Variants in PCDHA8 observed in about 807,000 individuals in gnomAD.
PCDHA8 encodes the protein protocadherin alpha-8.
Under a neutral mutation model 61.8 loss-of-function variants are expected in PCDHA8, and 53 were observed. That is an observed-to-expected ratio of 0.86 (90% CI 0.69 to 1.08). PCDHA8 has a LOEUF of 1.08. PCDHA8 is among the 50% of genes least tolerant of loss of function. PCDHA8 has a pLI of 0.00. For missense variants in PCDHA8, 1,293 were observed against 1,245.0 expected, an observed-to-expected ratio of 1.04 and a Z score of -0.58; for synonymous variants, 618 against 556.6, an observed-to-expected ratio of 1.11 and a Z score of -1.55.
At chr5:140,999,345 C>A (rs2097854633) in intron 3 of PCDHA8, among the ~76,000 whole-genome samples, 1 of 152,178 alleles carries the variant, frequency 6.6e-6, no homozygotes, top group Non-Finnish European at 1.5e-5. Flanking sequence ...TAAGCCTTGT[C>A]TCTTTTTAAT....
At chr5:140,860,253 G>C (rs1278193259) in intron 1 of PCDHA8, 1 of 151,492 alleles carries the variant, frequency 6.6e-6, no homozygotes, top group Non-Finnish European at 1.5e-5. Flanking sequence ...CATGCCTTTA[G>C]TCCCTACTGT....
At chr5:140,869,590 G>GAAGA in intron 1 of PCDHA8, 3 of 1,614,102 alleles carry the variant, frequency 1.9e-6, no homozygotes, top group Non-Finnish European at 2.5e-6. Context: ...TGCTGACATT[G>GAAGA]AAGAGAATGC....
At position 140,857,632 on chromosome 5, in the gene PCDHA8, G is replaced by C; in HGVS notation, c.2394+13917G>C. On this transcript the variant is annotated intron_variant, in intron 1 of 3. Transcript: ENST00000531613. ...AGCCGCTGGACCACGAGGAGCTGGA[G>C]CTGCTACAGTTCCAGGTGAGCGCGC... 1.9e-6 allele frequency: 3 copies of C among 1,596,770 alleles called. 1 individual carries two copies. Among genetic ancestry groups the C allele is most frequent in the Non-Finnish European group, 2.6e-6 (3 of 1,167,764 alleles).
intron 1 of PCDHA8, among the ~76,000 whole-genome samples, chr5:140,902,711 C>T (rs2153477998): frequency 6.6e-6 from 1 of 151,990 alleles, no homozygotes; most frequent in Middle Eastern, 3.4e-3. Context: ...TCTTTCACTC[C>T]CCTCCCACCC....
rs782420685 is a variant in PCDHA8, at chr5:140,978,941, T to G, written c.2395-8T>G. 1 of 1,614,158 alleles carries G rather than the reference T, an allele frequency of 6.2e-7. No homozygotes were observed. The highest frequency in any genetic ancestry group is 2.2e-5 in the East Asian group (1 of 44,880). On this transcript the variant is annotated splice_region_variant and splice_polypyrimidine_tract_variant and intron_variant, in intron 1 of 3. Transcript: ENST00000531613. ...TTTTAACAGAAAACTCTCTTTGTGA[T>G]TTTGCAGCCACGACAGCCCAACCCT...
intron 1 of PCDHA8, among the ~76,000 whole-genome samples, chr5:140,923,613 G>GT (rs2081443569): frequency 6.6e-6 from 1 of 152,146 alleles, no homozygotes; most frequent in South Asian, 2.1e-4. Context: ...TGTTTATCTG[G>GT]TCATCTTATC....
chr5:140,946,611 A>AATATATATATATATATATATATAT (rs1554217734), intron 1 of PCDHA8, among the ~76,000 whole-genome samples: 1,222 of 86,096 alleles, frequency 0.014, 42 homozygotes, highest in African/African-American at 0.029. Context: ...GAAAATGTGA[A>AATATATATATATATATATATATAT]ATATATATAT....
intron 1 of PCDHA8, chr5:140,869,260 G>A (rs976245495): frequency 6.2e-7 from 1 of 1,613,638 alleles, no homozygotes; most frequent in Non-Finnish European, 8.5e-7. Context: ...GCAGGACCTG[G>A]GGCTGGAGCT....
At chr5:140,857,683 C>T (rs1554150520) in intron 1 of PCDHA8, 1 of 1,597,084 alleles carries the variant, frequency 6.3e-7, no homozygotes, top group Middle Eastern at 1.8e-4. Context: ...CGCCTCTGGG[C>T]AGCAACTTGA....
At chr5:140,892,552 T>A (rs1041756319) in intron 1 of PCDHA8, among the ~76,000 whole-genome samples, 1 of 152,222 alleles carries the variant, frequency 6.6e-6, no homozygotes, top group East Asian at 1.9e-4. Flanking sequence ...GTTTCTCTAG[T>A]CCTTGGAGAC....
chr5:140,926,948 CG>C, intron 1 of PCDHA8: 2 of 1,589,778 alleles, frequency 1.3e-6, no homozygotes, highest in African/African-American at 1.3e-5. Context: ...GGCGCTGCAG[CG>C]GGACAGCTCG....
At chr5:140,863,357 G>A (rs1320011614) in intron 1 of PCDHA8, 2 of 1,259,586 alleles carry the variant, frequency 1.6e-6, no homozygotes, top group South Asian at 1.2e-5. Context: ...ACGACGCTGC[G>A]GTGCTTGGCG....
In PCDHA8 at chr5:141,011,833, C is replaced by T. The variant is rs1223674434; in HGVS notation, c.*1896C>T. 6.5e-6 allele frequency: 1 copy of T among 153,366 alleles called. No individual in the cohort carries two copies. Among genetic ancestry groups the T allele is most frequent in the Non-Finnish European group, 1.5e-5 (1 of 67,994 alleles). 9.5% of individuals were successfully genotyped at this position (153,366 alleles called of 1,614,324 possible). On this transcript the variant is annotated 3_prime_UTR_variant, in exon 4 of 4. Transcript: ENST00000531613. ...TAGAAAGTAACAAAATTTGCTGTCA[C>T]CTTAAATAAGACATTTTAATTTTGT...
At chr5:140,876,310 G>C (rs1167952130) in intron 1 of PCDHA8, 2 of 1,613,982 alleles carry the variant, frequency 1.2e-6, no homozygotes, top group Non-Finnish European at 1.7e-6. Context: ...AATTTCCTAT[G>C]GGATCAAAAT....
At chr5:140,981,332 G>A (rs1407839547) in intron 2 of PCDHA8, among the ~76,000 whole-genome samples, 1 of 152,182 alleles carries the variant, frequency 6.6e-6, no homozygotes, top group Non-Finnish European at 1.5e-5. Context: ...CCAGCACTTT[G>A]GGAGGGTGAG....
At position 141,010,636 on chromosome 5, in the gene PCDHA8, A is replaced by G; in HGVS notation, c.*699A>G. On this transcript the variant is annotated 3_prime_UTR_variant, in exon 4 of 4. Coordinates refer to ENST00000531613, the MANE Select transcript of PCDHA8 (RefSeq NM_018911.3). ...AAAATCTGCATCATACCTGCAAGCC[A>G]ACAGTTCAGTGTTTTAACAGAGAAC... is the stretch of plus-strand genomic sequence containing the variant. 1 of 183,300 alleles carries G rather than the reference A, an allele frequency of 5.5e-6. No individual in the cohort carries two copies. The highest frequency in any genetic ancestry group is 1.2e-5 in the Non-Finnish European group (1 of 86,478). 11.4% of individuals were successfully genotyped at this position (183,300 alleles called of 1,614,324 possible). A position where few individuals can be genotyped will look rare whatever the true frequency, so the allele number is the denominator to read the frequency against.
At chr5:140,856,855 T>C in intron 1 of PCDHA8, 3 of 1,594,310 alleles carry the variant, frequency 1.9e-6, no homozygotes, top group Middle Eastern at 1.7e-4. Context: ...CTGATTCGGA[T>C]GAAGGAATAA....
At chr5:140,990,542 C>T (rs2097399330) in intron 3 of PCDHA8, among the ~76,000 whole-genome samples, 1 of 152,180 alleles carries the variant, frequency 6.6e-6, no homozygotes, top group South Asian at 2.1e-4. Context: ...ATCATAGATA[C>T]TGTATTACCC....
chr5:140,947,685 G>T (rs553954790), intron 1 of PCDHA8, among the ~76,000 whole-genome samples: 1 of 151,508 alleles, frequency 6.6e-6, no homozygotes, highest in South Asian at 2.1e-4. Flanking sequence ...AATTGTCTCA[G>T]CATGTTCTGT....
Sources: allele counts gnomAD v4.1 joint callset (sites outside exome capture counted in the v4.1 genomes callset), GRCh38; gene constraint gnomAD v4.1.1; transcripts MANE v1.5; gene names NCBI Gene and HGNC (gene_info 2026-07-23, HGNC 2026-07-21).